RMI1: variants seen among roughly 807,000 people sequenced by gnomAD.
RMI1 encodes RecQ mediated genome instability 1.
A neutral mutation model predicts 46.7 loss-of-function variants in RMI1; 36 were observed. The observed-to-expected ratio is 0.77, with a 90% CI of 0.59 to 1.02. The LOEUF is 1.02. Ranked by LOEUF, RMI1 falls within the 50% of genes least tolerant of loss-of-function variation. The pLI is 0.00. For missense variants in RMI1, 676 were observed against 713.7 expected (o/e 0.95, Z 0.60); for synonymous variants, 250 against 252.9 (o/e 0.99, Z 0.11).
At position 83,999,707 on chromosome 9, in the gene RMI1, A is replaced by G. The variant is rs1957710885; in HGVS notation, c.-125-2A>G. 6.6e-6 allele frequency: 1 copy of G among 152,202 alleles called. No homozygotes were observed. Among genetic ancestry groups the G allele is most frequent in the Non-Finnish European group, 1.5e-5 (1 of 68,030 alleles). The allele number at this position is 152,202 out of a possible 1,614,324, so 9.4% of individuals were successfully genotyped here. A position where few individuals can be genotyped will look rare whatever the true frequency, so the allele number is the denominator to read the frequency against. ...CTTACTGCTTTTTGTCTTATCTCCC[A>G]GGGCCATTTCTGAGCAGTGGAGGTT... On this transcript the variant is annotated splice_acceptor_variant, in intron 1 of 2. Transcript: ENST00000445877. LOFTEE classifies it low-confidence loss of function (5UTR_SPLICE).
At chr9:83,996,167 A>G (rs1171370441) in intron 1 of RMI1, among the ~76,000 whole-genome samples, 1 of 152,156 alleles carries the variant, frequency 6.6e-6, no homozygotes, top group African/African-American at 2.4e-5. Flanking sequence ...CCTCTGGCTG[A>G]CATAGCTCTA....
At chr9:83,990,471 C>T (rs1957554357) in intron 1 of RMI1, among the ~76,000 whole-genome samples, 2 of 150,302 alleles carry the variant, frequency 1.3e-5, no homozygotes, top group South Asian at 2.1e-4. Flanking sequence ...GATAGCGCCG[C>T]TGCACTCCAG....
In RMI1 at chr9:84,001,055, T is replaced by G. The variant is rs1022266151; in HGVS notation, c.69T>G (p.Pro23=). Residue 23 remains proline (P), a synonymous_variant, in exon 3 of 3, where the codon CCT becomes CCG. Transcript: ENST00000445877. ...WLLAAWHVKV[P]PMWLEACINW... ...TAGCTGCATGGCATGTTAAAGTACC[T>G]CCGATGTGGCTGGAAGCTTGTATTA... The G allele has an allele frequency of 2.5e-6, 4 of 1,613,940 alleles. No homozygotes were observed. In the African/African-American group the frequency reaches 5.3e-5, roughly 22 times the overall value.
chr9:83,997,092 A>C (rs1228885795), intron 1 of RMI1, among the ~76,000 whole-genome samples: 3 of 138,872 alleles, frequency 2.2e-5, no homozygotes, highest in African/African-American at 8.1e-5. Flanking sequence ...GGTAGAGGTA[A>C]GTCCAACACC....
rs944260028 is a variant in RMI1, at chr9:83,987,893, G to GT, written c.-126+7012dup. Among the ~76,000 whole-genome samples, 173 of 148,540 alleles carry GT rather than the reference G, an allele frequency of 1.2e-3. 1 individual carries two copies. The highest frequency in any genetic ancestry group is 7.1e-3 in the Middle Eastern group (2 of 282). ...CACCAAATGAAGGACATGTGGGTGG[G>GT]TTTTTTTTTTGAGACAGAGTCTCAG... is the stretch of plus-strand genomic sequence containing the variant. On this transcript the variant is annotated intron_variant, in intron 1 of 2. Coordinates refer to ENST00000445877, the MANE Select transcript of RMI1 (RefSeq NM_001358291.2).
At position 83,980,886 on chromosome 9, in the gene RMI1, G is replaced by T. The variant is rs796003; in HGVS notation, c.-131G>T. ...ATGTTGCGCGAGGAAAATGCGGGAC[G>T]CCCAGGTCGGTGCTCGGCCCAGACT... is the stretch of plus-strand genomic sequence containing the variant. On this transcript the variant is annotated 5_prime_UTR_variant, in exon 1 of 3. Transcript: ENST00000445877. 0.31 allele frequency: 46,484 copies of T among 152,276 alleles called. 7,524 individuals carry two copies. Among genetic ancestry groups the T allele is most frequent in the African/African-American group, 0.42 (17,372 of 41,482 alleles). The allele number at this position is 152,276 out of a possible 1,614,324, so 9.4% of individuals were successfully genotyped here.
intron 1 of RMI1, among the ~76,000 whole-genome samples, chr9:83,994,918 A>T (rs1314025190): frequency 6.6e-6 from 1 of 152,156 alleles, no homozygotes; most frequent in Non-Finnish European, 1.5e-5. Context: ...TACTGTGTAT[A>T]AGTGTAGATT....
chr9:83,991,704 T>G (rs775611226), intron 1 of RMI1, among the ~76,000 whole-genome samples: 1 of 152,246 alleles, frequency 6.6e-6, no homozygotes, highest in African/African-American at 2.4e-5. Flanking sequence ...TTTTGTAGTT[T>G]TAGTTTTTAC....
intron 1 of RMI1, among the ~76,000 whole-genome samples, chr9:83,991,664 G>A (rs960602237): frequency 5.9e-5 from 9 of 152,298 alleles, no homozygotes; most frequent in African/African-American, 2.2e-4. Flanking sequence ...AGGTCACAAA[G>A]ATTTTTTCTG....
In RMI1 at chr9:83,987,065, C is replaced by T. The variant is rs940204927; in HGVS notation, c.-126+6174C>T. The stretch of plus-strand genomic sequence containing the variant: ...CTGGGTTCCTTCCCTCCCCTCCCCT[C>T]CCCTTCCCTTCGCTTTCCGATGGAG... On this transcript the variant is annotated intron_variant, in intron 1 of 2. Transcript: ENST00000445877. Among the ~76,000 whole-genome samples, 4 of 152,106 alleles carry T rather than the reference C, an allele frequency of 2.6e-5. No homozygotes were observed. In the South Asian group the frequency reaches 8.3e-4, roughly 32 times the overall value.
intron 1 of RMI1, among the ~76,000 whole-genome samples, chr9:83,987,206 G>A (rs928897135): frequency 2.0e-5 from 3 of 152,130 alleles, no homozygotes; most frequent in Non-Finnish European, 4.4e-5. Flanking sequence ...GGAATTACAA[G>A]CACGTGCCAC....
At chr9:83,993,644 G>A (rs1316640124) in intron 1 of RMI1, among the ~76,000 whole-genome samples, 2 of 152,030 alleles carry the variant, frequency 1.3e-5, no homozygotes, top group African/African-American at 4.8e-5. Context: ...TCCAATACTT[G>A]TTATTTTCTG....
At chr9:83,990,019 T>TTCAG (rs1957545542) in intron 1 of RMI1, among the ~76,000 whole-genome samples, 3 of 152,210 alleles carry the variant, frequency 2.0e-5, no homozygotes, top group Non-Finnish European at 4.4e-5. Context: ...AAGAATGATA[T>TTCAG]CCTGTCATTT....
chr9:83,995,051 G>A (rs1957629250), intron 1 of RMI1, among the ~76,000 whole-genome samples: 1 of 152,180 alleles, frequency 6.6e-6, no homozygotes. Flanking sequence ...CCAGGCTGGA[G>A]TGCAGTGGCG....
At position 84,002,328 on chromosome 9, in the gene RMI1, G is replaced by C; in HGVS notation, c.1342G>C (p.Val448Leu). ...LNNKILNREV[V>L]NYVQKRNSQI... is the part of the protein sequence containing the mutation. ...TAATAAAATATTAAATAGAGAGGTGGTCAACTATGTACAGAAAAGGAATTC... is the reference window on the plus strand; with the variant it reads ...TAATAAAATATTAAATAGAGAGGTGCTCAACTATGTACAGAAAAGGAATTC... The change falls in exon 3 of 3, where the codon GTC becomes CTC. Residue 448 changes from valine (V) to leucine (L), a missense_variant. Transcript: ENST00000445877. 1.2e-6 allele frequency: 2 copies of C among 1,601,098 alleles called. No individual in the cohort carries two copies. The highest frequency in any genetic ancestry group is 1.7e-6 in the Non-Finnish European group (2 of 1,169,728).
chr9:83,983,178 A>G (rs1957444712), intron 1 of RMI1, among the ~76,000 whole-genome samples: 1 of 152,222 alleles, frequency 6.6e-6, no homozygotes, highest in Non-Finnish European at 1.5e-5. Context: ...TGGCAGTTTA[A>G]TACTTTTTAG....
intron 1 of RMI1, among the ~76,000 whole-genome samples, chr9:83,984,540 G>A (rs1957463214): frequency 6.6e-6 from 1 of 151,526 alleles, no homozygotes; most frequent in Admixed American, 6.6e-5. Flanking sequence ...CCAAAGTGCT[G>A]GGATTACCAG....
At chr9:83,986,312 G>A (rs1378973897) in intron 1 of RMI1, among the ~76,000 whole-genome samples, 3 of 152,122 alleles carry the variant, frequency 2.0e-5, no homozygotes, top group African/African-American at 4.8e-5. Flanking sequence ...TGTTATTTAC[G>A]TGAGATCTGA....
At chr9:83,981,472 C>T (rs1957392890) in intron 1 of RMI1, among the ~76,000 whole-genome samples, 1 of 152,192 alleles carries the variant, frequency 6.6e-6, no homozygotes, top group South Asian at 2.1e-4. Context: ...GGGTTCAGCG[C>T]ACACTTGCAT....
Sources: allele counts gnomAD v4.1 joint callset (sites outside exome capture counted in the v4.1 genomes callset), GRCh38; gene constraint gnomAD v4.1.1; transcripts MANE v1.5; gene names NCBI Gene and HGNC (gene_info 2026-07-23, HGNC 2026-07-21).